BRAF: variants seen among roughly 807,000 people sequenced by gnomAD.
BRAF encodes the protein serine/threonine-protein kinase B-raf.
A neutral mutation model predicts 104.6 loss-of-function variants in BRAF; 16 were observed. The observed-to-expected ratio is 0.15, with a 90% confidence interval of 0.10 to 0.23. BRAF has a LOEUF of 0.23. BRAF is among the 10% of genes least tolerant of loss of function. The pLI is 1.00. For synonymous variants in BRAF, 310 were observed against 341.6 expected (o/e 0.91, Z 1.02); for missense variants, 541 against 937.3 (o/e 0.58, Z 5.52).
At chr7:140,915,267 A>G (rs1212531732) in intron 1 of BRAF, among the ~76,000 whole-genome samples, 1 of 152,102 alleles carries the variant, frequency 6.6e-6, no homozygotes, top group African/African-American at 2.4e-5. Flanking sequence ...AAAATATGCC[A>G]AAATAAGTGA....
At chr7:140,921,325 C>A (rs1818199189) in intron 1 of BRAF, among the ~76,000 whole-genome samples, 1 of 152,048 alleles carries the variant, frequency 6.6e-6, no homozygotes, top group Non-Finnish European at 1.5e-5. Flanking sequence ...AGTACAAGTA[C>A]ATTCATTTGA....
Position 140,876,367 on chromosome 7 carries a change from G to A in BRAF, c.139-26155C>T, listed in dbSNP as rs529071168. Among the ~76,000 whole-genome samples the A allele has an allele frequency of 1.1e-4, 16 of 152,306 alleles. No individual in the cohort carries two copies. In the South Asian group the frequency reaches 1.4e-3, roughly 14 times the overall value. ...GTAAATTAAAACAGAATGGCTAAAAGTTGTTCAAACAATCTAAAAGAATGC... is the reference window on the plus strand; with the variant it reads ...GTAAATTAAAACAGAATGGCTAAAAATTGTTCAAACAATCTAAAAGAATGC... On this transcript the variant is annotated intron_variant, in intron 1 of 19. Transcript: ENST00000644969.
intron 1 of BRAF, among the ~76,000 whole-genome samples, chr7:140,869,980 A>AAAGG (rs2129091551): frequency 6.6e-6 from 1 of 152,172 alleles, no homozygotes; most frequent in Non-Finnish European, 1.5e-5. Flanking sequence ...TCAACCAAAA[A>AAAGG]AAGGAAGAAA....
rs73502770 is a variant in BRAF, at chr7:140,914,244, C to T, written c.138+10322G>A. ...CCTATGATCTACTTAACACATATGG[C>T]CTACTAGAAGTTCAGTGCATACCAT... On this transcript the variant is annotated intron_variant, in intron 1 of 19. Transcript: ENST00000644969. Among the ~76,000 whole-genome samples, 857 of 152,226 alleles carry T rather than the reference C, an allele frequency of 5.6e-3. 10 individuals are homozygous for T. Among genetic ancestry groups the T allele is most frequent in the African/African-American group, 0.019 (795 of 41,538 alleles).
chr7:140,866,244 T>C (rs1366759687), intron 1 of BRAF, among the ~76,000 whole-genome samples: 1 of 152,220 alleles, frequency 6.6e-6, no homozygotes, highest in Non-Finnish European at 1.5e-5. Context: ...AATATACATA[T>C]CATGTTTCCT....
At chr7:140,916,159 T>C (rs1817612148) in intron 1 of BRAF, among the ~76,000 whole-genome samples, 1 of 152,164 alleles carries the variant, frequency 6.6e-6, no homozygotes. Context: ...TCTAGAAACA[T>C]GTGTTTCCTG....
intron 1 of BRAF, among the ~76,000 whole-genome samples, chr7:140,862,558 T>A (rs1446223155): frequency 6.6e-6 from 1 of 152,152 alleles, no homozygotes. Flanking sequence ...TCTACATAAA[T>A]CCTAGTTTAC....
In BRAF at chr7:140,787,339, T is replaced by C. The variant is rs536632586; in HGVS notation, c.1177+209A>G. On this transcript the variant is annotated intron_variant, in intron 9 of 19. Coordinates refer to ENST00000644969, the MANE Select transcript of BRAF (RefSeq NM_001374258.1). ...AAAAAAAAAAAGACTTCCTTTTATG[T>C]CCAGTCATCTTTTCTACTCATGTTA... Among the ~76,000 whole-genome samples the C allele has an allele frequency of 4.0e-5, 6 of 150,816 alleles. No homozygotes were observed. The East Asian group carries it at 7.8e-4, about 20-fold the overall frequency.
intron 1 of BRAF, among the ~76,000 whole-genome samples, chr7:140,867,509 G>C (rs929320514): frequency 6.7e-6 from 1 of 149,816 alleles, no homozygotes. Flanking sequence ...ATACATTCTA[G>C]TTAAGGGAAG....
chr7:140,889,807 G>T (rs945946957), intron 1 of BRAF, among the ~76,000 whole-genome samples: 1 of 152,172 alleles, frequency 6.6e-6, no homozygotes, highest in Non-Finnish European at 1.5e-5. Flanking sequence ...GTCCACTGTG[G>T]TTAATAATCT....
In BRAF at chr7:140,836,545, G is replaced by A. The variant is rs141901772; in HGVS notation, c.241-1673C>T. 7.7e-3 allele frequency among the ~76,000 whole-genome samples: 1,169 copies of A among 152,204 alleles called. 18 individuals are homozygous for A. Among genetic ancestry groups the A allele is most frequent in the African/African-American group, 0.027 (1,105 of 41,514 alleles). On this transcript the variant is annotated intron_variant, in intron 2 of 19. Coordinates refer to ENST00000644969, the MANE Select transcript of BRAF (RefSeq NM_001374258.1). ...GGAAGAGATTTAAACTTCATCAAAA[G>A]GTCTTCTTTGTTTACAGCCTGCTAG...
At position 140,721,008 on chromosome 7, in the gene BRAF, T is replaced by G. The variant is rs1795296988; in HGVS notation, c.*5486A>C. The stretch of plus-strand genomic sequence containing the variant: ...AGAAGCAGATGGTTTGTACAAACAT[T>G]TTTTGATACTACCATGAATAAACAT... On this transcript the variant is annotated 3_prime_UTR_variant, in exon 20 of 20. Coordinates refer to ENST00000644969, the MANE Select transcript of BRAF (RefSeq NM_001374258.1). The G allele has an allele frequency of 1.9e-6, 2 of 1,064,152 alleles. No homozygotes were observed. Among genetic ancestry groups the G allele is most frequent in the African/African-American group, 3.3e-5 (2 of 61,116 alleles). 65.9% of individuals were successfully genotyped at this position (1,064,152 alleles called of 1,614,324 possible).
chr7:140,729,915 A>C (rs1204198656), intron 19 of BRAF, among the ~76,000 whole-genome samples: 1 of 152,172 alleles, frequency 6.6e-6, no homozygotes, highest in Non-Finnish European at 1.5e-5. Flanking sequence ...ACAAACTCCA[A>C]ATCAAATACA....
Position 140,808,908 on chromosome 7 carries a change from A to G in BRAF, c.592T>C (p.Tyr198His), listed in dbSNP as rs756820137. Residue 198 changes from tyrosine to histidine, a missense_variant, in exon 4 of 20, where the codon TAC (tyrosine) becomes CAC (histidine). Tyr to His is a moderately conservative substitution (Grantham distance 83). Transcript: ENST00000644969. ...AAACCATACCCATCCTGAATTCTGTAAACAGCACAGCACTCTGGGATTAGA... is the reference window on the plus strand; with the variant it reads ...AAACCATACCCATCCTGAATTCTGTGAACAGCACAGCACTCTGGGATTAGA... ...RGLIPECCAV[Y>H]RIQDGEKKPI... is the part of the protein sequence containing the mutation. 25 of 1,611,952 alleles carry G rather than the reference A, an allele frequency of 1.6e-5. No homozygotes were observed. Among genetic ancestry groups the G allele is most frequent in the South Asian group, 2.2e-5 (2 of 91,010 alleles).
chr7:140,825,829 G>T (rs1258419745), intron 3 of BRAF, among the ~76,000 whole-genome samples: 3 of 151,976 alleles, frequency 2.0e-5, no homozygotes, highest in Non-Finnish European at 4.4e-5. Flanking sequence ...TTTTTTCCCT[G>T]AGTGCTTTTA....
intron 1 of BRAF, among the ~76,000 whole-genome samples, chr7:140,907,653 C>A (rs1352738270): frequency 6.6e-6 from 1 of 152,092 alleles, no homozygotes; most frequent in East Asian, 1.9e-4. Context: ...GCCTCAAACT[C>A]CTGGGCTCAA....
intron 8 of BRAF, among the ~76,000 whole-genome samples, chr7:140,789,844 C>T (rs1431210331): frequency 6.6e-6 from 1 of 152,202 alleles, no homozygotes; most frequent in Admixed American, 6.5e-5. Context: ...GATTCTCCTG[C>T]CTCGGCCTCC....
rs559341972 is a variant in BRAF at position 140,891,798 on chromosome 7, A to C, written c.138+32768T>G. On this transcript the variant is annotated intron_variant, in intron 1 of 19. Coordinates refer to ENST00000644969, the MANE Select transcript of BRAF (RefSeq NM_001374258.1). ...TGGTATGGAGAAAATGAAGGAAGAG[A>C]GCATTCTAGGACAAAGGGCCAGAAA... Among the ~76,000 whole-genome samples the C allele has an allele frequency of 3.5e-4, 54 of 152,308 alleles. 1 individual carries two copies. Among genetic ancestry groups the C allele is most frequent in the African/African-American group, 1.2e-3 (50 of 41,564 alleles).
chr7:140,874,358 T>C (rs1811958170), intron 1 of BRAF, among the ~76,000 whole-genome samples: 1 of 151,714 alleles, frequency 6.6e-6, no homozygotes, highest in Non-Finnish European at 1.5e-5. Context: ...CGCGCCACCA[T>C]GTCCAGCTAA....
Sources: gnomAD v4.1 joint callset for allele counts (sites outside exome capture counted in the v4.1 genomes callset) on GRCh38, gnomAD v4.1.1 for gene constraint, MANE v1.5 for transcripts, NCBI Gene and HGNC (gene_info 2026-07-23, HGNC 2026-07-21) for gene names.